PICALM: variants seen among roughly 807,000 people sequenced by gnomAD.
PICALM encodes phosphatidylinositol-binding clathrin assembly protein.
A neutral mutation model predicts 80.5 loss-of-function variants in PICALM; 40 were observed. That is an observed-to-expected ratio of 0.50 (90% CI 0.39 to 0.65). The LOEUF (loss-of-function observed/expected upper bound fraction) is 0.65, where lower values mean the gene tolerates loss of function less well. Among genes scored for constraint, PICALM ranks in the 30% least tolerant of loss-of-function variants. PICALM has a pLI of 0.00. For synonymous variants in PICALM, 288 were observed against 260.3 expected, an observed-to-expected ratio of 1.11 and a Z score of -1.02; for missense variants, 676 against 778.9, an observed-to-expected ratio of 0.87 and a Z score of 1.57.
intron 1 of PICALM, among the ~76,000 whole-genome samples, chr11:86,035,920 C>T (rs1303243714): frequency 6.9e-6 from 1 of 143,960 alleles, no homozygotes. Flanking sequence ...TGCACTCCAG[C>T]CTGGCCTACA....
intron 12 of PICALM, among the ~76,000 whole-genome samples, chr11:85,991,984 T>G (rs2135933431): frequency 6.6e-6 from 1 of 152,152 alleles, no homozygotes. Context: ...GCCTTCCGAG[T>G]AGCTGAGACT....
chr11:85,997,450 C>T (rs2095004446), intron 11 of PICALM, among the ~76,000 whole-genome samples: 1 of 152,118 alleles, frequency 6.6e-6, no homozygotes. Context: ...CATCACACAA[C>T]ACACTATTTA....
rs762218588 is a variant in PICALM at position 86,011,152 on chromosome 11, T to C, written c.659-16A>G. ...AAATATTTTTCTGACAAAATAAATG[T>C]AAAAATTCTTTTGTTCACATCAAAA... On this transcript the variant is annotated splice_polypyrimidine_tract_variant and intron_variant, in intron 6 of 19. Transcript: ENST00000393346. The C allele has an allele frequency of 8.9e-7, 1 of 1,128,432 alleles. No homozygotes were observed. Among genetic ancestry groups the C allele is most frequent in the Non-Finnish European group, 1.3e-6 (1 of 767,740 alleles). The allele number at this position is 1,128,432 out of a possible 1,614,324, so 69.9% of individuals were successfully genotyped here.
At chr11:86,020,542 A>T (rs2095548010) in intron 4 of PICALM, among the ~76,000 whole-genome samples, 1 of 152,176 alleles carries the variant, frequency 6.6e-6, no homozygotes, top group Admixed American at 6.5e-5. Context: ...ATACATACAG[A>T]TCAACAGAAC....
Position 86,031,737 on chromosome 11 carries a change from G to T in PICALM, c.131-126C>A, listed in dbSNP as rs950864672. 4 of 658,780 alleles carry T rather than the reference G, an allele frequency of 6.1e-6. No individual in the cohort carries two copies. The African/African-American group carries it at 7.3e-5, about 12-fold the overall frequency. The allele number at this position is 658,780 out of a possible 1,614,324, so 40.8% of individuals were successfully genotyped here. A position where few individuals can be genotyped will look rare whatever the true frequency, so the allele number is the denominator to read the frequency against. ...GGAGCAGTAATAGTTTGGAGATGTT[G>T]TTAAAAATCTCTCAATTAGAGCAAT... On this transcript the variant is annotated intron_variant, in intron 1 of 19. Coordinates refer to ENST00000393346, the MANE Select transcript of PICALM (RefSeq NM_007166.4).
At chr11:86,031,430 A>C in intron 2 of PICALM, 39 bp downstream of exon 2, 1 of 1,530,992 alleles carries the variant, frequency 6.5e-7, no homozygotes, top group Non-Finnish European at 8.9e-7. Context: ...ACAATAAGTC[A>C]ACACATCAGT....
At position 86,048,773 on chromosome 11, in the gene PICALM, G is replaced by A. The variant is rs757250505; in HGVS notation, c.131-17162C>T. On this transcript the variant is annotated intron_variant, in intron 1 of 19. Coordinates refer to ENST00000393346, the MANE Select transcript of PICALM (RefSeq NM_007166.4). Reference sequence around the variant, plus strand: ...CTTGAACCTGGGAGGCAGAGGTTGCGGTGAGCCAAGATATAGCACCACTGC... The same window carrying A: ...CTTGAACCTGGGAGGCAGAGGTTGCAGTGAGCCAAGATATAGCACCACTGC... Among the ~76,000 whole-genome samples, 9 of 149,954 alleles carry A rather than the reference G, an allele frequency of 6.0e-5. 1 individual carries two copies. Among genetic ancestry groups the A allele is most frequent in the African/African-American group, 1.5e-4 (6 of 40,658 alleles).
At position 85,958,473 on chromosome 11, in the gene PICALM, T is replaced by C; in HGVS notation, c.*573A>G. On this transcript the variant is annotated 3_prime_UTR_variant, in exon 20 of 20. Transcript: ENST00000393346. ...ATAAGGAGGTCTGATACAATATTAA[T>C]GTTATGTAAAATTGATAATCATAAA... 1 of 209,772 alleles carries C rather than the reference T, an allele frequency of 4.8e-6. No individual in the cohort carries two copies. Among genetic ancestry groups the C allele is most frequent in the East Asian group, 7.4e-5 (1 of 13,584 alleles). 13.0% of individuals were successfully genotyped at this position (209,772 alleles called of 1,614,324 possible). A position where few individuals can be genotyped will look rare whatever the true frequency, so the allele number is the denominator to read the frequency against.
chr11:85,988,708 G>A (rs2094662160), intron 13 of PICALM, among the ~76,000 whole-genome samples: 1 of 152,098 alleles, frequency 6.6e-6, no homozygotes, highest in Admixed American at 6.6e-5. Context: ...AGGAGGAACA[G>A]TTATGAGTGG....
chr11:86,066,384 C>T (rs1275490562), intron 1 of PICALM, among the ~76,000 whole-genome samples: 1 of 152,130 alleles, frequency 6.6e-6, no homozygotes, highest in Non-Finnish European at 1.5e-5. Context: ...AAATCAAATA[C>T]TACCAGGTAT....
At chr11:85,996,323 TA>T (rs2094959128) in intron 12 of PICALM, among the ~76,000 whole-genome samples, 1 of 152,042 alleles carries the variant, frequency 6.6e-6, no homozygotes, top group Admixed American at 6.5e-5. Flanking sequence ...AGGTCTTAAT[TA>T]AAAAAACATT....
intron 19 of PICALM, among the ~76,000 whole-genome samples, chr11:85,972,921 C>A (rs1473035329): frequency 6.6e-6 from 1 of 152,070 alleles, no homozygotes; most frequent in Non-Finnish European, 1.5e-5. Flanking sequence ...TCAAGTTAAA[C>A]CAGTAATGAG....
rs1565480624 is a variant in PICALM at position 86,031,537 on chromosome 11, T to C, written c.205A>G (p.Asn69Asp). The C allele has an allele frequency of 1.2e-6, 2 of 1,611,306 alleles. No homozygotes were observed. The highest frequency in any genetic ancestry group is 8.5e-7 in the Non-Finnish European group (1 of 1,177,964). ...LADSLFERTT[N>D]SSWVVVFKSL... ...TTGAAGACCACCACCCAACTACTAT[T>C]AGTAGTTCTTTCAAATAAACTGTCT... Residue 69 changes from asparagine (N) to aspartate (D), a missense_variant, in exon 2 of 20, where the codon AAT becomes GAT. By Grantham distance (23) the Asn-to-Asp change is conservative (BLOSUM62 1). Coordinates refer to ENST00000393346, the MANE Select transcript of PICALM (RefSeq NM_007166.4).
intron 7 of PICALM, among the ~76,000 whole-genome samples, chr11:86,007,891 T>G (rs2095311033): frequency 6.6e-6 from 1 of 151,736 alleles, no homozygotes; most frequent in Non-Finnish European, 1.5e-5. Flanking sequence ...CTCTTCTATG[T>G]GTAATATGAT....
Position 86,023,622 on chromosome 11 carries a change from G to A in PICALM, c.350-1153C>T, listed in dbSNP as rs189346259. Reference sequence around the variant, plus strand: ...ATCTTAAGAAAATGATAAATCAGTCGCTAATAAGACACAAAAAACCTACTT... The same window carrying A: ...ATCTTAAGAAAATGATAAATCAGTCACTAATAAGACACAAAAAACCTACTT... On this transcript the variant is annotated intron_variant, in intron 3 of 19. Coordinates refer to ENST00000393346, the MANE Select transcript of PICALM (RefSeq NM_007166.4). 9.8e-5 allele frequency: 95 copies of A among 966,506 alleles called. No individual in the cohort carries two copies. The East Asian group carries it at 5.2e-3, about 52-fold the overall frequency. The allele number at this position is 966,506 out of a possible 1,614,324, so 59.9% of individuals were successfully genotyped here. A position where few individuals can be genotyped will look rare whatever the true frequency, so the allele number is the denominator to read the frequency against.
rs553760919 is a variant in PICALM, at chr11:86,003,444, C to T, written c.815G>A (p.Ser272Asn). 8 of 1,577,958 alleles carry T rather than the reference C, an allele frequency of 5.1e-6. No individual in the cohort carries two copies. In the African/African-American group the frequency reaches 6.7e-5, roughly 13 times the overall value. ...TTGTTCCAAAGCATCAAGAAGACTG[C>T]TAGGGGCCTGCAATTGTACAAATAT... ...GDIPDLSQAP[S>N]SLLDALEQHL... is the part of the protein sequence containing the mutation. The change falls in exon 9 of 20, where the codon AGC becomes AAC. Residue 272 changes from serine to asparagine, a missense_variant. Physicochemically the swap from Ser to Asn is conservative, Grantham distance 46 (BLOSUM62 1). Coordinates refer to ENST00000393346, the MANE Select transcript of PICALM (RefSeq NM_007166.4).
In PICALM at chr11:86,007,476, T is replaced by C. The variant is rs377746601; in HGVS notation, c.807+66A>G. The C allele has an allele frequency of 1.6e-5, 15 of 912,360 alleles. No homozygotes were observed. In the African/African-American group the frequency reaches 2.3e-4, roughly 14 times the overall value. 56.5% of individuals were successfully genotyped at this position (912,360 alleles called of 1,614,324 possible). On this transcript the variant is annotated intron_variant, in intron 8 of 19. Coordinates refer to ENST00000393346, the MANE Select transcript of PICALM (RefSeq NM_007166.4). ...TTGACAATGGGGGCTATATGTTACT[T>C]ATCTTAATACTCTTCACAACTTGTA...
chr11:86,047,654 G>A (rs928768338), intron 1 of PICALM, among the ~76,000 whole-genome samples: 5 of 152,120 alleles, frequency 3.3e-5, no homozygotes, highest in South Asian at 2.1e-4. Flanking sequence ...GGTAAACTAC[G>A]TTAAAAGGGG....
rs573979441 is a variant in PICALM, at chr11:85,985,154, C to T, written c.1409-1181G>A. 5.9e-5 allele frequency among the ~76,000 whole-genome samples: 9 copies of T among 152,222 alleles called. No homozygotes were observed. The South Asian group carries it at 1.9e-3, about 32-fold the overall frequency. ...AATTTAGGATCCCTTTCTTCCCCTC[C>T]TCTATTCAGGTCAGAATCTCACTTT... On this transcript the variant is annotated intron_variant, in intron 13 of 19. Coordinates refer to ENST00000393346, the MANE Select transcript of PICALM (RefSeq NM_007166.4).
Sources: allele counts gnomAD v4.1 joint callset (sites outside exome capture counted in the v4.1 genomes callset), GRCh38; gene constraint gnomAD v4.1.1; transcripts MANE v1.5; gene names NCBI Gene and HGNC (gene_info 2026-07-23, HGNC 2026-07-21).